The following CNDP2 variants were observed in gnomAD, a reference collection of about 807,000 sequenced individuals.
The protein encoded by CNDP2 is cytosolic non-specific dipeptidase.
CNDP2 carries 38 observed loss-of-function variants against 55.0 expected under a neutral mutation model. The observed-to-expected ratio is 0.69, with a 90% CI of 0.53 to 0.90. The LOEUF (loss-of-function observed/expected upper bound fraction) is 0.90. Ranked by LOEUF, CNDP2 falls within the 40% of genes least tolerant of loss-of-function variation. The pLI is 0.00. For missense variants in CNDP2, 607 were observed against 621.7 expected, an observed-to-expected ratio of 0.98 and a Z score of 0.25; for synonymous variants, 241 against 260.2, an observed-to-expected ratio of 0.93 and a Z score of 0.71.
rs142228830 is a variant in CNDP2, at chr18:74,501,367, G to A, written c.99G>A (p.Ala33=). 93 of 1,613,980 alleles carry A rather than the reference G, an allele frequency of 5.8e-5. 1 individual carries two copies. Among genetic ancestry groups the A allele is most frequent in the Non-Finnish European group, 6.7e-5 (79 of 1,180,020 alleles). Residue 33 remains alanine, a synonymous_variant, in exon 3 of 12, where the codon GCG becomes GCA. Transcript: ENST00000324262. The stretch of plus-strand genomic sequence containing the variant: ...GGGTGGCTATCCAGAGTGTGTCTGC[G>A]TGGCCGGAGAAGAGAGGCGAAATCA... ...AKWVAIQSVS[A]WPEKRGEIRR...
chr18:74,520,057 C>T lies in CNDP2; in HGVS notation c.1417C>T (p.Leu473=). 6.2e-7 allele frequency: 1 copy of T among 1,614,164 alleles called. No homozygotes were observed. Among genetic ancestry groups the T allele is most frequent in the Non-Finnish European group, 8.5e-7 (1 of 1,180,014 alleles). ...LAAYLYEVSQ[L]KD is the part of the protein sequence containing the mutation. ...CGCGTACCTGTATGAGGTCTCCCAG[C>T]TGAAGGACTAGGCCAAGCCCTCTGT... Residue 473 remains leucine, a synonymous_variant, in exon 12 of 12, where the codon CTG becomes TTG. Transcript: ENST00000324262.
intron 8 of CNDP2, 45 bp downstream of exon 8, chr18:74,513,764 T>C (rs765622783): frequency 6.3e-7 from 1 of 1,590,110 alleles, no homozygotes; most frequent in Non-Finnish European, 8.6e-7. Flanking sequence ...GGCCACGCTG[T>C]GACACAGGTG....
intron 4 of CNDP2, 24 bp downstream of exon 4, chr18:74,506,035 GC>G (rs35061137): frequency 0.2 from 301,328 of 1,532,348 alleles, 30,945 homozygotes; most frequent in Admixed American, 0.31. Context: ...GCCTATGCGT[GC>G]CCAGAGGAAA....
chr18:74,518,511 C>T lies in CNDP2; in HGVS notation c.1081C>T (p.Leu361=), dbSNP rs770813556. The T allele has an allele frequency of 6.2e-7, 1 of 1,614,142 alleles. No individual in the cohort carries two copies. The highest frequency in any genetic ancestry group is 8.5e-7 in the Non-Finnish European group (1 of 1,180,042). The change falls in exon 10 of 12, where the codon CTA becomes TTA. Residue 361 remains leucine (L), a synonymous_variant. Coordinates refer to ENST00000324262, the MANE Select transcript of CNDP2 (RefSeq NM_018235.3). ...ATTTGTGGTTTAGGTCACAAGCTAC[C>T]TAACTAAGAAGTTTGCTGAACTACG... The part of the protein sequence containing the change: ...EVVGEQVTSY[L]TKKFAELRSP...
chr18:74,520,245 G>A lies in CNDP2; in HGVS notation c.*177G>A, dbSNP rs532151787. 4.4e-4 allele frequency: 269 copies of A among 605,032 alleles called. 6 individuals are homozygous for A. In the South Asian group the frequency reaches 4.5e-3, roughly 10 times the overall value. 37.5% of individuals were successfully genotyped at this position (605,032 alleles called of 1,614,324 possible). On this transcript the variant is annotated 3_prime_UTR_variant, in exon 12 of 12. Coordinates refer to ENST00000324262, the MANE Select transcript of CNDP2 (RefSeq NM_018235.3). ...CTGTCCACGGGTGGAGCTACCCGTT[G>A]GGCTTATGAGTGACCTGGAGTGACA...
chr18:74,505,646 T>C (rs573702984), intron 3 of CNDP2, among the ~76,000 whole-genome samples: 21 of 151,648 alleles, frequency 1.4e-4, no homozygotes, highest in Non-Finnish European at 2.9e-4. Context: ...TTGGCAAACA[T>C]GTACATGTGC....
intron 11 of CNDP2, 53 bp from the exon 12 acceptor site, chr18:74,519,941 ACACCT>A: frequency 6.5e-7 from 1 of 1,533,854 alleles, no homozygotes; most frequent in Admixed American, 1.7e-5. Context: ...GAGTCACCCC[ACACCT>A]GGGTGTTGGC....
intron 9 of CNDP2, chr18:74,517,209 G>T (rs1979727593): frequency 6.6e-6 from 1 of 152,110 alleles, no homozygotes; most frequent in African/African-American, 2.4e-5. Flanking sequence ...TCTAAATAAG[G>T]TTTAGAAAGA....
intron 3 of CNDP2, among the ~76,000 whole-genome samples, chr18:74,502,139 G>A (rs933419774): frequency 2.2e-4 from 34 of 152,286 alleles, no homozygotes; most frequent in African/African-American, 8.2e-4. Context: ...GCCTGCCTCA[G>A]CCTCCCAAAA....
rs1449728573 is a variant in CNDP2, at chr18:74,521,418, A to G, written c.*1350A>G. On this transcript the variant is annotated 3_prime_UTR_variant, in exon 12 of 12. Coordinates refer to ENST00000324262, the MANE Select transcript of CNDP2 (RefSeq NM_018235.3). ...CCCACTTGACATAAAAGAACAGAGT[A>G]AACTCAATGAAAGGAAAAGGCTCCT... 6.6e-6 allele frequency: 1 copy of G among 152,292 alleles called. No homozygotes were observed. The highest frequency in any genetic ancestry group is 1.9e-4 in the East Asian group (1 of 5,196). The allele number at this position is 152,292 out of a possible 1,614,324, so 9.4% of individuals were successfully genotyped here. A position where few individuals can be genotyped will look rare whatever the true frequency, so the allele number is the denominator to read the frequency against.
intron 4 of CNDP2, among the ~76,000 whole-genome samples, chr18:74,506,537 G>A (rs1206839057): frequency 4.6e-5 from 7 of 152,192 alleles, no homozygotes; most frequent in Non-Finnish European, 8.8e-5. Context: ...TGAGCCCCCC[G>A]TGGCTGGCGT....
chr18:74,512,920 TC>T (rs1352665256), intron 7 of CNDP2, among the ~76,000 whole-genome samples: 1 of 152,126 alleles, frequency 6.6e-6, no homozygotes, highest in African/African-American at 2.4e-5. Flanking sequence ...CCCATCCAGG[TC>T]CCCCCGCCTG....
chr18:74,516,357 G>A lies in CNDP2; in HGVS notation c.1033G>A (p.Val345Met), dbSNP rs375477095. ...GGTTGGCAAGTTCTCCATCAGGCTC[G>A]TGCCGAACATGACTCCTGAAGTCGT... Reference protein sequence around the residue: ...KVVGKFSIRLVPNMTPEVVGE... With the variant: ...KVVGKFSIRLMPNMTPEVVGE... The change falls in exon 9 of 12, where the codon GTG becomes ATG. Residue 345 changes from valine (V) to methionine (M), a missense_variant. Transcript: ENST00000324262. 168 of 1,613,708 alleles carry A rather than the reference G, an allele frequency of 1.0e-4. No individual in the cohort carries two copies. The highest frequency in any genetic ancestry group is 1.3e-4 in the Non-Finnish European group (155 of 1,179,844).
chr18:74,502,774 A>G (rs924468625), intron 3 of CNDP2, among the ~76,000 whole-genome samples: 3 of 152,164 alleles, frequency 2.0e-5, no homozygotes, highest in African/African-American at 7.2e-5. Flanking sequence ...TCACAGCACT[A>G]GAAGCTTGAG....
intron 6 of CNDP2, 117 bp downstream of exon 6, chr18:74,511,130 C>T: frequency 1.2e-6 from 1 of 849,722 alleles, no homozygotes; most frequent in Non-Finnish European, 1.8e-6. Context: ...AAGCACAGGG[C>T]TCACTTAGTG....
intron 9 of CNDP2, 115 bp from the exon 10 acceptor site, chr18:74,518,384 A>G: frequency 2.5e-6 from 3 of 1,196,204 alleles, no homozygotes; most frequent in Non-Finnish European, 3.6e-6. Context: ...CAGACCTGTC[A>G]GAGGCCGATT....
chr18:74,514,141 G>A (rs1017270598), intron 8 of CNDP2, among the ~76,000 whole-genome samples: 1 of 152,238 alleles, frequency 6.6e-6, no homozygotes, highest in Non-Finnish European at 1.5e-5. Context: ...GTAGGTTTAT[G>A]CGGTACATAT....
chr18:74,508,888 G>T lies in CNDP2; in HGVS notation c.416G>T (p.Gly139Val). 1 of 1,614,112 alleles carries T rather than the reference G, an allele frequency of 6.2e-7. No homozygotes were observed. The highest frequency in any genetic ancestry group is 8.5e-7 in the Non-Finnish European group (1 of 1,180,010). ...GSTDDKGPVA[G>V]WINALEAYQK... ...ACTGATGATAAGGGCCCGGTGGCCGGCTGGATAAACGCCCTGGAAGCGTAT... is the reference window on the plus strand; with the variant it reads ...ACTGATGATAAGGGCCCGGTGGCCGTCTGGATAAACGCCCTGGAAGCGTAT... The change falls in exon 5 of 12, where the codon GGC (glycine) becomes GTC (valine). Residue 139 changes from glycine to valine, a missense_variant. Physicochemically the swap from Gly to Val is moderately radical, Grantham distance 109 (BLOSUM62 -3). Transcript: ENST00000324262.
chr18:74,506,286 C>G lies in CNDP2; in HGVS notation c.367+275C>G, dbSNP rs540024430. ...AGTAGCTGGGATTACGGGCGCCCATCACCACGCCTGGCTAGTTTTTTTATT... is the reference window on the plus strand; with the variant it reads ...AGTAGCTGGGATTACGGGCGCCCATGACCACGCCTGGCTAGTTTTTTTATT... On this transcript the variant is annotated intron_variant, in intron 4 of 11. Coordinates refer to ENST00000324262, the MANE Select transcript of CNDP2 (RefSeq NM_018235.3). 2.4e-4 allele frequency among the ~76,000 whole-genome samples: 37 copies of G among 152,266 alleles called. No homozygotes were observed. The East Asian group carries it at 6.0e-3, about 25-fold the overall frequency.
Sources: gnomAD v4.1 joint callset for allele counts (sites outside exome capture counted in the v4.1 genomes callset) on GRCh38, gnomAD v4.1.1 for gene constraint, MANE v1.5 for transcripts, NCBI Gene and HGNC (gene_info 2026-07-23, HGNC 2026-07-21) for gene names.